The following PTPN22 variants were observed in gnomAD, a reference collection of about 807,000 sequenced individuals.
The protein encoded by PTPN22 is tyrosine-protein phosphatase non-receptor type 22.
In PTPN22, 85 loss-of-function variants were observed where a neutral mutation model predicts 103.3. That is an observed-to-expected ratio of 0.82 (90% CI 0.69 to 0.99). The LOEUF (loss-of-function observed/expected upper bound fraction) is 0.99, where lower values mean the gene tolerates loss of function less well. Ranked by LOEUF, PTPN22 falls within the 50% of genes least tolerant of loss-of-function variation. The pLI is 0.00. For synonymous variants in PTPN22, 323 were observed against 310.2 expected (o/e 1.04, Z -0.43); for missense variants, 865 against 936.9 (o/e 0.92, Z 1.00).
chr1:113,848,090 C>T (rs1332388807), intron 11 of PTPN22, among the ~76,000 whole-genome samples: 1 of 151,906 alleles, frequency 6.6e-6, no homozygotes, highest in Non-Finnish European at 1.5e-5. Flanking sequence ...ACTTTGTTGC[C>T]CAGGCTGGAG....
intron 1 of PTPN22, among the ~76,000 whole-genome samples, chr1:113,862,124 CA>C (rs1229979914): frequency 6.6e-6 from 1 of 151,238 alleles, no homozygotes; most frequent in Non-Finnish European, 1.5e-5. Flanking sequence ...ACCAAAAATA[CA>C]AAAAAAATTA....
chr1:113,865,947 T>A (rs1666083946), intron 1 of PTPN22, among the ~76,000 whole-genome samples: 1 of 152,252 alleles, frequency 6.6e-6, no homozygotes, highest in Non-Finnish European at 1.5e-5. Context: ...ATAACTTAAA[T>A]TCAAACCAAG....
chr1:113,850,272 G>GGAAGGAAA (rs1558043606), intron 10 of PTPN22, among the ~76,000 whole-genome samples: 12 of 132,202 alleles, frequency 9.1e-5, no homozygotes, highest in African/African-American at 3.5e-4. Context: ...AAGGAAGGAA[G>GGAAGGAAA]GAAAGAAAGG....
rs146296567 is a variant in PTPN22 at position 113,849,574 on chromosome 1, C to G, written c.829-948G>C. 4.6e-5 allele frequency among the ~76,000 whole-genome samples: 6 copies of G among 130,252 alleles called. No individual in the cohort carries two copies. The East Asian group carries it at 1.2e-3, about 26-fold the overall frequency. The allele number at this position is 130,252 out of a possible 152,430, so 85.5% of individuals were successfully genotyped here. On this transcript the variant is annotated intron_variant, in intron 10 of 20. Transcript: ENST00000359785. ...CATTCAACACAGCCATTAGTATGCTCTTTATTTATTTATTTATTTATTTTT... is the reference window on the plus strand; with the variant it reads ...CATTCAACACAGCCATTAGTATGCTGTTTATTTATTTATTTATTTATTTTT...
intron 5 of PTPN22, 41 bp from the exon 6 acceptor site, chr1:113,856,660 T>G: frequency 6.2e-7 from 1 of 1,613,442 alleles, no homozygotes; most frequent in South Asian, 1.1e-5. Flanking sequence ...CCTCCATATA[T>G]TCTAGTCTTT....
Position 113,851,227 on chromosome 1 carries a change from T to A in PTPN22, c.828+800A>T, listed in dbSNP as rs192754877. Among the ~76,000 whole-genome samples, 628 of 150,268 alleles carry A rather than the reference T, an allele frequency of 4.2e-3. 2 individuals are homozygous for A. Among genetic ancestry groups the A allele is most frequent in the African/African-American group, 0.015 (604 of 40,864 alleles). On this transcript the variant is annotated intron_variant, in intron 10 of 20. Transcript: ENST00000359785. Reference sequence around the variant, plus strand: ...GAGTGCAGTCGTGTGATCTCGGCCCTCTGCAACCTCCACCTCGCAGGCTCA... The same window carrying A: ...GAGTGCAGTCGTGTGATCTCGGCCCACTGCAACCTCCACCTCGCAGGCTCA...
intron 1 of PTPN22, 152 bp downstream of exon 1, chr1:113,871,385 T>G (rs886509448): frequency 1.7e-6 from 1 of 590,452 alleles, no homozygotes; most frequent in African/African-American, 1.9e-5. Flanking sequence ...TGCAAACCAC[T>G]CAGAGAAGTC....
intron 1 of PTPN22, among the ~76,000 whole-genome samples, chr1:113,864,795 C>A (rs1228714424): frequency 6.6e-6 from 1 of 151,922 alleles, no homozygotes; most frequent in East Asian, 1.9e-4. Context: ...ACCTGTAGTC[C>A]CAGCTATTCA....
At chr1:113,847,011 TTG>T (rs771364392) in intron 11 of PTPN22, among the ~76,000 whole-genome samples, 3,674 of 78,652 alleles carry the variant, frequency 0.047, 115 homozygotes, top group African/African-American at 0.12. Flanking sequence ...TTTTTTTTTT[TTG>T]GTCCCTTAGT....
intron 18 of PTPN22, among the ~76,000 whole-genome samples, chr1:113,827,060 G>A (rs1662146269): frequency 6.6e-6 from 1 of 151,988 alleles, no homozygotes; most frequent in African/African-American, 2.4e-5. Flanking sequence ...TCTGCTTCAG[G>A]CATTTTATTC....
chr1:113,829,609 T>C, exon 18 of PTPN22: 2 of 1,595,270 alleles, frequency 1.3e-6, no homozygotes, highest in Non-Finnish European at 1.7e-6. Context: ...CTTGTGAAAC[T>C]TTTTCCAGGA....
Position 113,856,450 on chromosome 1 carries a change from AAAAAG to A in PTPN22, c.481-14_481-10del. On this transcript the variant is annotated splice_polypyrimidine_tract_variant and intron_variant, in intron 6 of 20. Transcript: ENST00000359785. ...TTCCTTTTTTCAGCTTCCTAAAAAG[AAAAAG>A]AAGACTCAAGTATTAGTGATTGCAA... The A allele has an allele frequency of 6.2e-7, 1 of 1,608,662 alleles. No homozygotes were observed. The highest frequency in any genetic ancestry group is 8.5e-7 in the Non-Finnish European group (1 of 1,177,398).
intron 16 of PTPN22, 26 bp downstream of exon 16, chr1:113,833,085 C>A: frequency 6.4e-7 from 1 of 1,551,322 alleles, no homozygotes; most frequent in South Asian, 1.1e-5. Context: ...GGCTAAATGT[C>A]ATCTAAAGCC....
chr1:113,859,435 T>G (rs374232213), exon 2 of PTPN22: 6 of 1,613,646 alleles, frequency 3.7e-6, no homozygotes, highest in Non-Finnish European at 4.2e-6. Context: ...GTCTGCCTTG[T>G]ACTTGGTAGA....
At chr1:113,856,939 C>G (rs920148288) in intron 5 of PTPN22, 14 of 229,026 alleles carry the variant, frequency 6.1e-5, no homozygotes, top group Non-Finnish European at 1.1e-4. Context: ...ACCTAGTTCC[C>G]TTGCTTTTGA....
At chr1:113,821,132 C>G (rs994544750) in intron 19 of PTPN22, among the ~76,000 whole-genome samples, 39 of 152,188 alleles carry the variant, frequency 2.6e-4, no homozygotes, top group African/African-American at 9.1e-4. Flanking sequence ...CAGGAGATAT[C>G]AGTAATCTGT....
intron 1 of PTPN22, among the ~76,000 whole-genome samples, chr1:113,869,970 A>T (rs772119221): frequency 6.6e-6 from 1 of 152,160 alleles, no homozygotes; most frequent in South Asian, 2.1e-4. Context: ...TTCCTATCAT[A>T]ATATCTAATC....
intron 17 of PTPN22, 25 bp downstream of exon 17, chr1:113,829,924 T>A (rs1374584043): frequency 6.5e-7 from 1 of 1,548,330 alleles, no homozygotes; most frequent in Non-Finnish European, 8.9e-7. Flanking sequence ...TTATGATTTT[T>A]TTGAGAGAAA....
At chr1:113,847,035 C>A (rs1307109761) in intron 11 of PTPN22, among the ~76,000 whole-genome samples, 1 of 36,030 alleles carries the variant, frequency 2.8e-5, no homozygotes, top group Non-Finnish European at 5.3e-5. Context: ...CCCTGCAGCT[C>A]TGTTTATTTT....
Sources: allele counts gnomAD v4.1 joint callset (sites outside exome capture counted in the v4.1 genomes callset), GRCh38; gene constraint gnomAD v4.1.1; transcripts MANE v1.5; gene names NCBI Gene and HGNC (gene_info 2026-07-23, HGNC 2026-07-21).